Variants in ATF2 observed in about 807,000 individuals in gnomAD.
ATF2 encodes activating transcription factor 2.
A neutral mutation model predicts 60.6 loss-of-function variants in ATF2; 24 were observed. That is an observed-to-expected ratio of 0.40 (90% CI 0.29 to 0.56). The LOEUF is 0.56. Among genes scored for constraint, ATF2 ranks in the 20% least tolerant of loss-of-function variants. The pLI is 0.54. For synonymous variants in ATF2, 206 were observed against 215.4 expected (o/e 0.96, Z 0.38); for missense variants, 433 against 607.7 (o/e 0.71, Z 3.02).
At chr2:175,125,717 T>C (rs1221310573) in intron 4 of ATF2, among the ~76,000 whole-genome samples, 1 of 152,128 alleles carries the variant, frequency 6.6e-6, no homozygotes, top group Non-Finnish European at 1.5e-5. Flanking sequence ...GCTCAAGCAA[T>C]AGTGACTTAA....
intron 2 of ATF2, among the ~76,000 whole-genome samples, chr2:175,146,544 A>C (rs1038223673): frequency 6.6e-6 from 1 of 152,258 alleles, no homozygotes; most frequent in East Asian, 1.9e-4. Flanking sequence ...TATGCACTGT[A>C]ATAATTCATT....
chr2:175,165,468 T>C (rs1267474298), intron 1 of ATF2, among the ~76,000 whole-genome samples: 2 of 152,234 alleles, frequency 1.3e-5, no homozygotes, highest in Admixed American at 6.5e-5. Flanking sequence ...CAAGAACGTA[T>C]GTATCATTAA....
chr2:175,166,941 G>A (rs1234308514), intron 1 of ATF2, among the ~76,000 whole-genome samples: 1 of 152,132 alleles, frequency 6.6e-6, no homozygotes, highest in African/African-American at 2.4e-5. Flanking sequence ...GAAAGCATTA[G>A]AAAACCTGAA....
intron 4 of ATF2, among the ~76,000 whole-genome samples, chr2:175,122,546 C>A (rs548795538): frequency 6.6e-6 from 1 of 152,116 alleles, no homozygotes; most frequent in South Asian, 2.1e-4. Context: ...TCCTTTCATG[C>A]AACTAATAAT....
At chr2:175,097,347 A>G (rs79006228) in intron 11 of ATF2, 97 bp downstream of exon 11, 2 of 1,486,354 alleles carry the variant, frequency 1.3e-6, no homozygotes, top group Non-Finnish European at 1.8e-6. Context: ...GAATAACAAC[A>G]TGACCAGAGT....
chr2:175,078,160 G>A (rs1693493112), intron 13 of ATF2, among the ~76,000 whole-genome samples: 1 of 151,992 alleles, frequency 6.6e-6, no homozygotes, highest in Admixed American at 6.6e-5. Flanking sequence ...TTGTAGAGAT[G>A]GGGTCCCGCT....
At chr2:175,079,800 T>C (rs1559045205) in intron 13 of ATF2, among the ~76,000 whole-genome samples, 1 of 152,306 alleles carries the variant, frequency 6.6e-6, no homozygotes, top group South Asian at 2.1e-4. Context: ...AGTGGATACA[T>C]ATGGTTGAAA....
At chr2:175,099,001 T>C (rs968989539) in intron 10 of ATF2, among the ~76,000 whole-genome samples, 1 of 152,172 alleles carries the variant, frequency 6.6e-6, no homozygotes, top group African/African-American at 2.4e-5. Context: ...CTGGGTGTGA[T>C]TTTTAAAATA....
intron 3 of ATF2, among the ~76,000 whole-genome samples, chr2:175,135,006 T>TAAA (rs60122560): frequency 1.5e-4 from 13 of 85,784 alleles, no homozygotes; most frequent in African/African-American, 5.3e-4. Flanking sequence ...CCCATCTCTT[T>TAAA]AAAAAAAAAA....
chr2:175,095,150 T>C (rs1248800223), intron 11 of ATF2, among the ~76,000 whole-genome samples: 1 of 151,526 alleles, frequency 6.6e-6, no homozygotes, highest in Non-Finnish European at 1.5e-5. Flanking sequence ...CAGGCTGGAG[T>C]GCAATGACGT....
intron 4 of ATF2, among the ~76,000 whole-genome samples, chr2:175,129,552 T>C (rs1476588168): frequency 6.6e-6 from 1 of 152,124 alleles, no homozygotes; most frequent in African/African-American, 2.4e-5. Flanking sequence ...TTTGTAACTT[T>C]GCTATACATT....
intron 1 of ATF2, among the ~76,000 whole-genome samples, chr2:175,165,597 T>C (rs1700299674): frequency 6.6e-6 from 1 of 152,226 alleles, no homozygotes. Flanking sequence ...ACCATAGTCA[T>C]AGAGCTTTCA....
intron 13 of ATF2, among the ~76,000 whole-genome samples, chr2:175,077,262 T>C (rs187419226): frequency 9.9e-4 from 151 of 152,236 alleles, no homozygotes; most frequent in African/African-American, 3.5e-3. Context: ...AAACATACAT[T>C]TGCATGTGCC....
chr2:175,167,307 TCC>T (rs1700420626), intron 1 of ATF2, among the ~76,000 whole-genome samples: 1 of 151,314 alleles, frequency 6.6e-6, no homozygotes, highest in Non-Finnish European at 1.5e-5. Context: ...CGCTCTGCTG[TCC>T]ACCCAGAGAT....
rs370800242 is a variant in ATF2, at chr2:175,159,135, T to C, written c.-142-7977A>G. Reference sequence around the variant, plus strand: ...GAGTTCAAGACCAGCCTGGTCATCATGGAGAAACCCCGTCTCTACTAAAAA... The same window carrying C: ...GAGTTCAAGACCAGCCTGGTCATCACGGAGAAACCCCGTCTCTACTAAAAA... On this transcript the variant is annotated intron_variant, in intron 1 of 13. Coordinates refer to ENST00000264110, the MANE Select transcript of ATF2 (RefSeq NM_001880.4). 4.8e-3 allele frequency among the ~76,000 whole-genome samples: 723 copies of C among 152,066 alleles called. 4 individuals are homozygous for C. The highest frequency in any genetic ancestry group is 0.016 in the African/African-American group (681 of 41,472).
chr2:175,122,503 T>C (rs1195744426), intron 4 of ATF2, among the ~76,000 whole-genome samples: 1 of 152,056 alleles, frequency 6.6e-6, no homozygotes, highest in Non-Finnish European at 1.5e-5. Flanking sequence ...ATTCCATTTC[T>C]TGTGGTCTCC....
At chr2:175,134,182 T>C (rs568585825) in intron 3 of ATF2, among the ~76,000 whole-genome samples, 2 of 152,258 alleles carry the variant, frequency 1.3e-5, no homozygotes, top group East Asian at 1.9e-4. Context: ...CTAAACAATA[T>C]AGTGTAACAA....
chr2:175,138,944 G>C (rs1173962360), intron 2 of ATF2, among the ~76,000 whole-genome samples: 2 of 152,176 alleles, frequency 1.3e-5, no homozygotes, highest in Non-Finnish European at 2.9e-5. Context: ...ACCTGGTTTT[G>C]TCACTCGTAA....
chr2:175,135,353 C>A (rs143968482), intron 3 of ATF2, among the ~76,000 whole-genome samples: 7 of 152,106 alleles, frequency 4.6e-5, no homozygotes, highest in Non-Finnish European at 1.0e-4. Context: ...CTAATCAAGC[C>A]TCCCTAGCTC....
Sources: allele counts gnomAD v4.1 joint callset (sites outside exome capture counted in the v4.1 genomes callset), GRCh38; gene constraint gnomAD v4.1.1; transcripts MANE v1.5; gene names NCBI Gene and HGNC (gene_info 2026-07-23, HGNC 2026-07-21).